The following UIMC1 variants were observed in gnomAD, a reference collection of about 807,000 sequenced individuals.
The protein encoded by UIMC1 is ubiquitin interaction motif containing 1.
A neutral mutation model predicts 84.9 loss-of-function variants in UIMC1; 42 were observed. That is an observed-to-expected ratio of 0.49 (90% confidence interval 0.39 to 0.64). UIMC1 has a LOEUF of 0.64. UIMC1 is among the 30% of genes least tolerant of loss of function. UIMC1 has a pLI of 0.00. For synonymous variants in UIMC1, 281 were observed against 293.0 expected (o/e 0.96, Z 0.42); for missense variants, 825 against 847.6 (o/e 0.97, Z 0.33).
At position 177,021,881 on chromosome 5, in the gene UIMC1, C is replaced by G. The variant is rs143240999; in HGVS notation, c.-9+583G>C. ...GGTCAGGCTGGTCTCGAACTCCGGA[C>G]CTCAGGTGATCCGCCCCCCCTTAGC... On this transcript the variant is annotated intron_variant, in intron 1 of 5. Transcript: ENST00000509236. Among the ~76,000 whole-genome samples the G allele has an allele frequency of 2.4e-3, 359 of 152,224 alleles. 2 individuals carry two copies. Among genetic ancestry groups the G allele is most frequent in the African/African-American group, 8.2e-3 (339 of 41,550 alleles).
chr5:176,954,947 A>T (rs887919257), intron 8 of UIMC1, among the ~76,000 whole-genome samples: 2 of 152,196 alleles, frequency 1.3e-5, no homozygotes, highest in African/African-American at 4.8e-5. Flanking sequence ...CTTATAGGCT[A>T]TACGAGACCT....
chr5:176,989,240 T>C (rs190260756), intron 1 of UIMC1, among the ~76,000 whole-genome samples: 115 of 152,276 alleles, frequency 7.6e-4, no homozygotes, highest in Admixed American at 2.7e-3. Context: ...TAAGGGATAG[T>C]AACAACATAC....
intron 1 of UIMC1, among the ~76,000 whole-genome samples, chr5:177,018,076 C>T (rs1439810025): frequency 1.3e-5 from 2 of 151,938 alleles, no homozygotes; most frequent in Admixed American, 6.6e-5. Flanking sequence ...TAAGGCTGGG[C>T]GTGGTGGCTC....
Position 176,915,793 on chromosome 5 carries a change from CAA to C in UIMC1, c.1598-4406_1598-4405del, listed in dbSNP as rs58297107. Among the ~76,000 whole-genome samples the C allele has an allele frequency of 8.0e-4, 34 of 42,654 alleles. No homozygotes were observed. The Middle Eastern group carries it at 0.044, about 55-fold the overall frequency. 28.0% of individuals were successfully genotyped at this position (42,654 alleles called of 152,430 possible). A position where few individuals can be genotyped will look rare whatever the true frequency, so the allele number is the denominator to read the frequency against. On this transcript the variant is annotated intron_variant, in intron 10 of 14. Coordinates refer to ENST00000511320, the MANE Select transcript of UIMC1 (RefSeq NM_001199298.2). ...AAGTAACCTGATCAAGGTCACAAAG[CAA>C]AAAAAAAAAAAAAAAAAAAGCAAAA...
At chr5:177,002,011 T>TA (rs1185248785) in intron 1 of UIMC1, 1 of 142,032 alleles carries the variant, frequency 7.0e-6, no homozygotes, top group Non-Finnish European at 1.5e-5. Context: ...TAATCCCAGC[T>TA]ACTTGGGAGG....
At chr5:176,942,056 G>C (rs537935388) in intron 10 of UIMC1, among the ~76,000 whole-genome samples, 15 of 152,088 alleles carry the variant, frequency 9.9e-5, no homozygotes, top group Non-Finnish European at 1.8e-4. Context: ...CGTTGACCAG[G>C]CTGGTCTCGA....
rs776646019 is a variant in UIMC1, at chr5:176,911,089, C to CA, written c.1676+221dup. Among the ~76,000 whole-genome samples the CA allele has an allele frequency of 2.4e-3, 143 of 58,584 alleles. 1 individual carries two copies. The highest frequency in any genetic ancestry group is 6.3e-3 in the East Asian group (15 of 2,378). The allele number at this position is 58,584 out of a possible 152,430, so 38.4% of individuals were successfully genotyped here. On this transcript the variant is annotated intron_variant, in intron 11 of 14. Coordinates refer to ENST00000511320, the MANE Select transcript of UIMC1 (RefSeq NM_001199298.2). ...GGGCAAGAAGAGTGAAACTTCATCT[C>CA]AAAAAAAAAAAAGAGAGAGAGAGAA...
intron 9 of UIMC1, among the ~76,000 whole-genome samples, chr5:176,949,378 T>C (rs909537877): frequency 2.0e-5 from 3 of 152,238 alleles, no homozygotes; most frequent in African/African-American, 7.2e-5. Flanking sequence ...ACAGGGTTCA[T>C]GCTCTTTGAC....
intron 10 of UIMC1, among the ~76,000 whole-genome samples, chr5:176,929,260 GA>G (rs1420011692): frequency 6.9e-6 from 1 of 145,804 alleles, no homozygotes; most frequent in African/African-American, 2.5e-5. Flanking sequence ...ATCTCAGAAA[GA>G]AAAAAAATTT....
At chr5:176,990,623 T>G (rs977658930) in intron 1 of UIMC1, among the ~76,000 whole-genome samples, 3 of 152,180 alleles carry the variant, frequency 2.0e-5, no homozygotes, top group Admixed American at 6.5e-5. Flanking sequence ...AAAAAACACA[T>G]GCAACTTTGT....
chr5:176,992,637 A>AT (rs1561904268), intron 1 of UIMC1, among the ~76,000 whole-genome samples: 1 of 151,850 alleles, frequency 6.6e-6, no homozygotes, highest in Non-Finnish European at 1.5e-5. Flanking sequence ...TCTCTATAAA[A>AT]AAAAAAAAAT....
chr5:176,911,444 G>A (rs1760206884), intron 10 of UIMC1, 55 bp from the exon 11 acceptor site: 6 of 1,242,618 alleles, frequency 4.8e-6, no homozygotes, highest in Non-Finnish European at 5.3e-6. Flanking sequence ...AGTAGACTCT[G>A]AATATAAAAG....
chr5:176,907,665 T>C (rs1759567666), intron 12 of UIMC1, among the ~76,000 whole-genome samples: 1 of 152,208 alleles, frequency 6.6e-6, no homozygotes, highest in African/African-American at 2.4e-5. Flanking sequence ...TGATCTCTAA[T>C]TACAAGGCCC....
chr5:176,935,622 TG>T (rs1229554449), intron 10 of UIMC1, among the ~76,000 whole-genome samples: 2 of 152,180 alleles, frequency 1.3e-5, no homozygotes, highest in Non-Finnish European at 2.9e-5. Context: ...TTAATTATCC[TG>T]GGTACCACAA....
chr5:176,927,402 C>T (rs1242058180), intron 10 of UIMC1, among the ~76,000 whole-genome samples: 1 of 151,716 alleles, frequency 6.6e-6, no homozygotes, highest in Non-Finnish European at 1.5e-5. Context: ...TACAGGTGTG[C>T]AGCACCACAC....
chr5:176,997,676 C>A (rs1348612540), intron 1 of UIMC1, among the ~76,000 whole-genome samples: 1 of 77,198 alleles, frequency 1.3e-5, no homozygotes, highest in Non-Finnish European at 2.2e-5. Flanking sequence ...CAGAGCGAGA[C>A]TCTGTCTCAA....
At chr5:177,002,959 A>G (rs561543623) in intron 1 of UIMC1, among the ~76,000 whole-genome samples, 2 of 152,240 alleles carry the variant, frequency 1.3e-5, no homozygotes, top group South Asian at 2.1e-4. Context: ...CTGGACTCCA[A>G]TTTCCATGAC....
chr5:176,949,176 T>C (rs953305993), intron 9 of UIMC1, among the ~76,000 whole-genome samples: 1 of 152,136 alleles, frequency 6.6e-6, no homozygotes. Context: ...TGTGCAGGTT[T>C]GTTACATATG....
chr5:176,950,095 C>T (rs887140488), intron 9 of UIMC1, among the ~76,000 whole-genome samples: 1 of 142,406 alleles, frequency 7.0e-6, no homozygotes, highest in Non-Finnish European at 1.5e-5. Flanking sequence ...TAAAAAGGAA[C>T]CTTTCTTTTT....
Sources: gnomAD v4.1 joint callset for allele counts (sites outside exome capture counted in the v4.1 genomes callset) on GRCh38, gnomAD v4.1.1 for gene constraint, MANE v1.5 for transcripts, NCBI Gene and HGNC (gene_info 2026-07-23, HGNC 2026-07-21) for gene names.